TGM2: variants seen among roughly 807,000 people sequenced by gnomAD.
The protein encoded by TGM2 is transglutaminase 2, also known as protein-glutamine gamma-glutamyltransferase 2.
In TGM2, 53 loss-of-function variants were observed where a neutral mutation model predicts 75.6. That is an observed-to-expected ratio of 0.70 (90% CI 0.56 to 0.88). TGM2 has a LOEUF of 0.88. TGM2 is among the 40% of genes least tolerant of loss of function. The pLI is 0.00. For synonymous variants in TGM2, 374 were observed against 381.1 expected, an observed-to-expected ratio of 0.98 and a Z score of 0.22; for missense variants, 842 against 928.5, an observed-to-expected ratio of 0.91 and a Z score of 1.21.
At position 38,147,871 on chromosome 20, in the gene TGM2, C is replaced by T. The variant is rs996405201; in HGVS notation, c.681+90G>A. 16 of 1,538,180 alleles carry T rather than the reference C, an allele frequency of 1.0e-5. No homozygotes were observed. In the Admixed American group the frequency reaches 2.2e-4, roughly 21 times the overall value. On this transcript the variant is annotated intron_variant, in intron 5 of 12. Transcript: ENST00000361475. ...CTTACCCATCTCCCGGGTCCCCCAC[C>T]GCGCCTAGCCTGTGTCTCCACTGCG...
Position 38,142,122 on chromosome 20 carries a change from TGAG to T in TGM2, c.934_936del (p.Leu312del). On this transcript the variant is annotated inframe_deletion, in exon 7 of 13. Coordinates refer to ENST00000361475, the MANE Select transcript of TGM2 (RefSeq NM_004613.4). ...CCAAACTCATTGCGGAAGTACTCGA[TGAG>T]AAGGTTGCTGTTCTGGTCATGGGCC... 6.2e-7 allele frequency: 1 copy of T among 1,613,648 alleles called. No homozygotes were observed. Among genetic ancestry groups the T allele is most frequent in the Non-Finnish European group, 8.5e-7 (1 of 1,179,600 alleles).
chr20:38,134,323 A>G (rs1030925687), intron 10 of TGM2, among the ~76,000 whole-genome samples: 5 of 152,202 alleles, frequency 3.3e-5, no homozygotes, highest in African/African-American at 1.2e-4. Context: ...AAGAAAACCA[A>G]ACTTTTGTGC....
In TGM2 at chr20:38,147,963, T is replaced by A. The variant is rs917920963; in HGVS notation, c.679A>T (p.Met227Leu). ...PVYVGRVVSG[M>L]VNCNDDQGVL... Reference sequence around the variant, plus strand: ...GATGGGCCATGCCACTCACTCACCATGCCACTCACCACCCGGCCCACGTAG... The same window carrying A: ...GATGGGCCATGCCACTCACTCACCAAGCCACTCACCACCCGGCCCACGTAG... The change falls in exon 5 of 13, where the codon ATG becomes TTG. Residue 227 changes from methionine to leucine, a missense_variant and splice_region_variant. Physicochemically the swap from Met to Leu is conservative, Grantham distance 15. Coordinates refer to ENST00000361475, the MANE Select transcript of TGM2 (RefSeq NM_004613.4). 2 of 1,610,244 alleles carry A rather than the reference T, an allele frequency of 1.2e-6. No homozygotes were observed. The highest frequency in any genetic ancestry group is 4.5e-5 in the East Asian group (2 of 44,808).
intron 12 of TGM2, 51 bp downstream of exon 12, chr20:38,131,042 G>A (rs773752860): frequency 1.4e-5 from 23 of 1,606,286 alleles, no homozygotes; most frequent in Admixed American, 6.7e-5. Context: ...TACCCCCACC[G>A]GCATCTGCCC....
At position 38,139,434 on chromosome 20, in the gene TGM2, G is replaced by T; in HGVS notation, c.1320C>A (p.Thr440=). 6.2e-7 allele frequency: 1 copy of T among 1,614,156 alleles called. No homozygotes were observed. Among genetic ancestry groups the T allele is most frequent in the Admixed American group, 1.7e-5 (1 of 60,022 alleles). Residue 440 remains threonine, a synonymous_variant, in exon 9 of 13, where the codon ACC becomes ACA. Transcript: ENST00000361475. ...TACCCTCTGGGTATTTGTAGGTGTG[G>T]GTGATATCCTCCCGCTCGTCTCGGC... ...SVGRDEREDI[T]HTYKYPEGSS... is the part of the protein sequence containing the mutation.
At chr20:38,140,431 A>AT (rs1397016108) in intron 8 of TGM2, among the ~76,000 whole-genome samples, 1 of 152,210 alleles carries the variant, frequency 6.6e-6, no homozygotes, top group Non-Finnish European at 1.5e-5. Flanking sequence ...GGGCCCACGG[A>AT]TCCCCCCAAG....
At chr20:38,153,977 G>T (rs191140958) in intron 3 of TGM2, among the ~76,000 whole-genome samples, 1 of 152,088 alleles carries the variant, frequency 6.6e-6, no homozygotes, top group Non-Finnish European at 1.5e-5. Flanking sequence ...TCATCACATC[G>T]GTCTAATTTT....
Position 38,151,650 on chromosome 20 carries a change from A to G in TGM2, c.434-593T>C, listed in dbSNP as rs571179305. On this transcript the variant is annotated intron_variant, in intron 3 of 12. Transcript: ENST00000361475. Reference sequence around the variant, plus strand: ...AACTCAGTAGCAGAGGGGAAGGCCAAGAAAGGGTTCCTGCAGCTCAGGAGA... The same window carrying G: ...AACTCAGTAGCAGAGGGGAAGGCCAGGAAAGGGTTCCTGCAGCTCAGGAGA... Among the ~76,000 whole-genome samples, 23 of 152,336 alleles carry G rather than the reference A, an allele frequency of 1.5e-4. No homozygotes were observed. In the South Asian group the frequency reaches 4.8e-3, roughly 32 times the overall value.
chr20:38,165,658 C>T (rs2075303810), upstream of TGM2, among the ~76,000 whole-genome samples: 1 of 147,876 alleles, frequency 6.8e-6, no homozygotes, highest in Non-Finnish European at 1.5e-5. Flanking sequence ...ATCAAGAACA[C>T]CTCCCCACCC....
In TGM2 at chr20:38,128,890, G is replaced by T. The variant is rs970502205; in HGVS notation, c.*1329C>A. On this transcript the variant is annotated 3_prime_UTR_variant, in exon 13 of 13. Coordinates refer to ENST00000361475, the MANE Select transcript of TGM2 (RefSeq NM_004613.4). ...GGGTAGCTGGGGTGCCAACCTTGTTGGTTAGTGACCAGCACTGGCAGCTAA... is the reference window on the plus strand; with the variant it reads ...GGGTAGCTGGGGTGCCAACCTTGTTTGTTAGTGACCAGCACTGGCAGCTAA... 6.6e-6 allele frequency: 1 copy of T among 152,332 alleles called. No individual in the cohort carries two copies. Among genetic ancestry groups the T allele is most frequent in the African/African-American group, 2.4e-5 (1 of 41,462 alleles). The allele number at this position is 152,332 out of a possible 1,614,324, so 9.4% of individuals were successfully genotyped here.
chr20:38,134,526 C>G (rs1406511806), intron 10 of TGM2, among the ~76,000 whole-genome samples: 2 of 152,192 alleles, frequency 1.3e-5, no homozygotes, highest in African/African-American at 4.8e-5. Flanking sequence ...CGTCCACAAG[C>G]CAGTGGCCAC....
rs182414942 is a variant in TGM2, at chr20:38,135,119, C to T, written c.1616-2619G>A. Among the ~76,000 whole-genome samples the T allele has an allele frequency of 3.3e-5, 5 of 152,318 alleles. No homozygotes were observed. In the East Asian group the frequency reaches 5.8e-4, roughly 18 times the overall value. ...TCAGCATGCTTGGCTGATGCCAGTGCGGAACAATGCTCTCAGGGTCCCGAT... is the reference window on the plus strand; with the variant it reads ...TCAGCATGCTTGGCTGATGCCAGTGTGGAACAATGCTCTCAGGGTCCCGAT... On this transcript the variant is annotated intron_variant, in intron 10 of 12. Coordinates refer to ENST00000361475, the MANE Select transcript of TGM2 (RefSeq NM_004613.4).
chr20:38,130,272 C>G lies in TGM2; in HGVS notation c.2011G>C (p.Asp671His). The change falls in exon 13 of 13, where the codon GAC (aspartate) becomes CAC (histidine). Residue 671 changes from aspartate (D) to histidine (H), a missense_variant. By Grantham distance (81) the Asp-to-His change is moderately conservative. Transcript: ENST00000361475. ...LHKLVVNFES[D>H]KLKAVKGFRN... ...AAGCCCTTCACAGCCTTCAGCTTGTCGCTCTCGAAGTTCACCACCAGCTTG... is the reference window on the plus strand; with the variant it reads ...AAGCCCTTCACAGCCTTCAGCTTGTGGCTCTCGAAGTTCACCACCAGCTTG... The G allele has an allele frequency of 1.2e-6, 2 of 1,613,140 alleles. No individual in the cohort carries two copies. The highest frequency in any genetic ancestry group is 1.7e-6 in the Non-Finnish European group (2 of 1,179,844).
At chr20:38,161,846 T>G (rs2075258788) in intron 1 of TGM2, among the ~76,000 whole-genome samples, 1 of 152,116 alleles carries the variant, frequency 6.6e-6, no homozygotes, top group South Asian at 2.1e-4. Context: ...CAGGCTGGAG[T>G]GCAGTGGTGT....
At chr20:38,132,834 G>A (rs145978778) in intron 10 of TGM2, 2 of 471,664 alleles carry the variant, frequency 4.2e-6, no homozygotes, top group African/African-American at 2.0e-5. Context: ...GCACTCCTAA[G>A]GCTGTGGGAG....
At chr20:38,145,753 G>GCTCT (rs1173512455) in intron 6 of TGM2, 1 of 146,230 alleles carries the variant, frequency 6.8e-6, no homozygotes, top group African/African-American at 2.6e-5. Context: ...CAGAATTTGT[G>GCTCT]CTCTCTCTCT....
chr20:38,149,326 C>T (rs2075085418), intron 4 of TGM2, among the ~76,000 whole-genome samples: 1 of 152,142 alleles, frequency 6.6e-6, no homozygotes, highest in African/African-American at 2.4e-5. Context: ...ACTGTGATCA[C>T]CTCCAGAAGC....
At chr20:38,158,840 G>A (rs2075219118) in intron 2 of TGM2, among the ~76,000 whole-genome samples, 1 of 152,208 alleles carries the variant, frequency 6.6e-6, no homozygotes, top group Non-Finnish European at 1.5e-5. Context: ...AGCTGGCCAG[G>A]CCTTGAGCCG....
In TGM2 at chr20:38,132,512, G is replaced by A. The variant is rs917543029; in HGVS notation, c.1616-12C>T. ...AGGAACGCTCTTCTCTGCAGAAGGG[G>A]AGAAAGGAGGGTGCTCATGATGCAG... On this transcript the variant is annotated splice_polypyrimidine_tract_variant and intron_variant, in intron 10 of 12. Transcript: ENST00000361475. 2 of 1,613,922 alleles carry A rather than the reference G, an allele frequency of 1.2e-6. No homozygotes were observed. Among genetic ancestry groups the A allele is most frequent in the Non-Finnish European group, 8.5e-7 (1 of 1,179,976 alleles).
Sources: gnomAD v4.1 joint callset for allele counts (sites outside exome capture counted in the v4.1 genomes callset) on GRCh38, gnomAD v4.1.1 for gene constraint, MANE v1.5 for transcripts, NCBI Gene and HGNC (gene_info 2026-07-23, HGNC 2026-07-21) for gene names.